The following PPARGC1B variants were observed in gnomAD, a reference collection of about 807,000 sequenced individuals.
The protein encoded by PPARGC1B is PPARG coactivator 1 beta.
In PPARGC1B, 34 loss-of-function variants were observed where a neutral mutation model predicts 101.6. The ratio of observed to expected loss-of-function variants is 0.33; its 90% CI spans 0.25 to 0.45. The LOEUF (loss-of-function observed/expected upper bound fraction) is 0.45. Ranked by LOEUF, PPARGC1B falls within the 20% of genes least tolerant of loss-of-function variation. The pLI, the probability that PPARGC1B is intolerant of heterozygous loss-of-function variation, is 1.00. For synonymous variants in PPARGC1B, 548 were observed against 539.3 expected, an observed-to-expected ratio of 1.02 and a Z score of -0.22; for missense variants, 1,234 against 1,317.6, an observed-to-expected ratio of 0.94 and a Z score of 0.98.
intron 1 of PPARGC1B, among the ~76,000 whole-genome samples, chr5:149,767,900 A>G (rs1351952924): frequency 6.6e-6 from 1 of 152,156 alleles, no homozygotes; most frequent in East Asian, 1.9e-4. Flanking sequence ...TGTATTGTGT[A>G]CTTTATTTCT....
intron 1 of PPARGC1B, among the ~76,000 whole-genome samples, chr5:149,802,753 T>G (rs2113295990): frequency 6.6e-6 from 1 of 152,118 alleles, no homozygotes; most frequent in South Asian, 2.1e-4. Context: ...CTGACTCGAT[T>G]TAAAATTTTT....
At chr5:149,834,634 C>G in intron 5 of PPARGC1B, 40 bp from the exon 6 acceptor site, 1 of 1,593,440 alleles carries the variant, frequency 6.3e-7, no homozygotes, top group Middle Eastern at 1.7e-4. Flanking sequence ...GCTAGTGATA[C>G]CATATTGGGG....
downstream of PPARGC1B, among the ~76,000 whole-genome samples, chr5:149,856,612 T>G (rs535405589): frequency 5.9e-5 from 9 of 152,334 alleles, no homozygotes; most frequent in African/African-American, 1.7e-4. Flanking sequence ...GGTCCCTGGT[T>G]TTCCCAAATA....
At chr5:149,808,286 T>A (rs1231685015) in intron 1 of PPARGC1B, among the ~76,000 whole-genome samples, 1 of 152,030 alleles carries the variant, frequency 6.6e-6, no homozygotes, top group Non-Finnish European at 1.5e-5. Context: ...CACCTCCCAA[T>A]TTCTGTGAAC....
At chr5:149,758,368 C>T (rs918840165) in intron 1 of PPARGC1B, among the ~76,000 whole-genome samples, 10 of 152,228 alleles carry the variant, frequency 6.6e-5, no homozygotes, top group African/African-American at 2.4e-4. Flanking sequence ...TCATCCATGC[C>T]AGGCTCTGTT....
intron 1 of PPARGC1B, among the ~76,000 whole-genome samples, chr5:149,795,788 CA>C (rs1454250152): frequency 1.4e-5 from 2 of 139,920 alleles, no homozygotes; most frequent in Non-Finnish European, 1.6e-5. Flanking sequence ...ATGGTGGGGG[CA>C]GGGGGGGATG....
intron 10 of PPARGC1B, among the ~76,000 whole-genome samples, chr5:149,844,471 C>G (rs1450014648): frequency 6.6e-6 from 1 of 152,150 alleles, no homozygotes; most frequent in Non-Finnish European, 1.5e-5. Context: ...AACCCCGTCT[C>G]TACTAAAAAT....
intron 2 of PPARGC1B, among the ~76,000 whole-genome samples, chr5:149,824,193 G>A (rs1382298137): frequency 1.3e-5 from 2 of 152,118 alleles, no homozygotes; most frequent in Non-Finnish European, 2.9e-5. Flanking sequence ...GAGCCCTTCC[G>A]GCTCTGATAT....
intron 1 of PPARGC1B, among the ~76,000 whole-genome samples, chr5:149,756,495 A>G (rs1755525416): frequency 6.6e-6 from 1 of 152,152 alleles, no homozygotes; most frequent in Non-Finnish European, 1.5e-5. Context: ...ACAAGCAAAC[A>G]AACAAAATTC....
chr5:149,856,651 G>T (rs1329072597), downstream of PPARGC1B, among the ~76,000 whole-genome samples: 1 of 152,104 alleles, frequency 6.6e-6, no homozygotes, highest in South Asian at 2.1e-4. Flanking sequence ...TGAACTCAAA[G>T]GTCCTTTATG....
At chr5:149,821,568 G>T (rs1016448779) in intron 2 of PPARGC1B, among the ~76,000 whole-genome samples, 4 of 152,316 alleles carry the variant, frequency 2.6e-5, no homozygotes, top group Admixed American at 1.3e-4. Flanking sequence ...AGAAGCCATA[G>T]CTCCCTGTGC....
In PPARGC1B at chr5:149,842,279, T is replaced by G. The variant is rs114273610; in HGVS notation, c.2718T>G (p.Ile906Met). The change falls in exon 10 of 12, where the codon ATT (isoleucine) becomes ATG (methionine). Residue 906 changes from isoleucine (I) to methionine (M), a missense_variant. Physicochemically the swap from Ile to Met is conservative, Grantham distance 10. Coordinates refer to ENST00000309241, the MANE Select transcript of PPARGC1B (RefSeq NM_133263.4). ...AGGGGGAAGGCCGCGTGGTGTACAT[T>G]CAAAATCTCTCCAGCGACATGAGCT... Reference protein sequence around the residue: ...KAIGEGRVVYIQNLSSDMSSR... With the variant: ...KAIGEGRVVYMQNLSSDMSSR... 1.2e-3 allele frequency: 1,910 copies of G among 1,613,918 alleles called. 26 individuals are homozygous for G. The African/African-American group carries it at 0.024, about 20-fold the overall frequency.
chr5:149,814,955 C>G (rs762887203), intron 1 of PPARGC1B, among the ~76,000 whole-genome samples: 6 of 152,252 alleles, frequency 3.9e-5, no homozygotes, highest in Non-Finnish European at 8.8e-5. Context: ...GGTCCCAGGT[C>G]TGTCCTTGCT....
intron 1 of PPARGC1B, among the ~76,000 whole-genome samples, chr5:149,740,887 A>C (rs746690904): frequency 6.6e-6 from 1 of 152,154 alleles, no homozygotes; most frequent in African/African-American, 2.4e-5. Flanking sequence ...AAAACACACA[A>C]ATGTCAATTT....
intron 1 of PPARGC1B, among the ~76,000 whole-genome samples, chr5:149,774,963 C>T (rs574220357): frequency 1.1e-3 from 163 of 152,220 alleles, no homozygotes; most frequent in African/African-American, 3.7e-3. Context: ...GCAGCATGTC[C>T]CCACAGCCAG....
Position 149,842,299 on chromosome 5 carries a change from T to G in PPARGC1B, c.2738T>G (p.Met913Arg), listed in dbSNP as rs779448876. 6.2e-7 allele frequency: 1 copy of G among 1,614,092 alleles called. No homozygotes were observed. Among genetic ancestry groups the G allele is most frequent in the Admixed American group, 1.7e-5 (1 of 60,014 alleles). The change falls in exon 10 of 12, where the codon ATG (methionine) becomes AGG (arginine). Residue 913 changes from methionine (M) to arginine (R), a missense_variant. By Grantham distance (91) the Met-to-Arg change is moderately conservative. Coordinates refer to ENST00000309241, the MANE Select transcript of PPARGC1B (RefSeq NM_133263.4). ...TACATTCAAAATCTCTCCAGCGACA[T>G]GAGCTCCCGAGAGCTGAAGAGGCGC... The part of the protein sequence containing the change: ...VVYIQNLSSD[M>R]SSRELKRRFE...
At chr5:149,767,299 G>A (rs931875185) in intron 1 of PPARGC1B, among the ~76,000 whole-genome samples, 1 of 152,140 alleles carries the variant, frequency 6.6e-6, no homozygotes, top group East Asian at 1.9e-4. Flanking sequence ...CTTTTTCCCC[G>A]CTCTATGAGA....
chr5:149,834,522 G>C (rs1427344884), intron 5 of PPARGC1B, 152 bp from the exon 6 acceptor site: 3 of 634,308 alleles, frequency 4.7e-6, no homozygotes, highest in East Asian at 2.7e-5. Flanking sequence ...GAGTTGTTCT[G>C]CCCTTCTCTA....
intron 1 of PPARGC1B, among the ~76,000 whole-genome samples, chr5:149,808,326 T>A (rs1433418986): frequency 1.3e-5 from 2 of 152,156 alleles, no homozygotes; most frequent in Non-Finnish European, 2.9e-5. Flanking sequence ...TGCCTTCAGG[T>A]CCCCAGGCCC....
Sources: allele counts gnomAD v4.1 joint callset (sites outside exome capture counted in the v4.1 genomes callset), GRCh38; gene constraint gnomAD v4.1.1; transcripts MANE v1.5; gene names NCBI Gene and HGNC (gene_info 2026-07-23, HGNC 2026-07-21).